HSPA12A: variants seen among roughly 807,000 people sequenced by gnomAD.
The protein encoded by HSPA12A is heat shock protein family A (Hsp70) member 12A.
HSPA12A carries 28 observed loss-of-function variants against 69.2 expected under a neutral mutation model. The observed-to-expected ratio is 0.40, with a 90% CI of 0.30 to 0.55. The LOEUF (loss-of-function observed/expected upper bound fraction) is 0.55. Among genes scored for constraint, HSPA12A ranks in the 20% least tolerant of loss-of-function variants. The pLI, the probability that HSPA12A is intolerant of heterozygous loss-of-function variation, is 0.38. For synonymous variants in HSPA12A, 345 were observed against 370.5 expected, an observed-to-expected ratio of 0.93 and a Z score of 0.79; for missense variants, 686 against 900.7, an observed-to-expected ratio of 0.76 and a Z score of 3.05.
intron 2 of HSPA12A, among the ~76,000 whole-genome samples, chr10:116,805,486 C>G (rs549123187): frequency 5.1e-4 from 78 of 152,144 alleles, no homozygotes; most frequent in Non-Finnish European, 8.7e-4. Flanking sequence ...TTCACACACA[C>G]CTGAGGACAC....
At chr10:116,836,644 T>C (rs1845715423) in intron 1 of HSPA12A, among the ~76,000 whole-genome samples, 1 of 152,192 alleles carries the variant, frequency 6.6e-6, no homozygotes, top group Non-Finnish European at 1.5e-5. Flanking sequence ...TTTGCATACA[T>C]CCCCAAGTAT....
At chr10:116,707,333 C>A in intron 1 of HSPA12A, 48 bp from the exon 2 acceptor site, 1 of 1,444,498 alleles carries the variant, frequency 6.9e-7, no homozygotes, top group Non-Finnish European at 9.6e-7. Flanking sequence ...ATGGACTGAC[C>A]CAGGGGGAAG....
rs1346333598 is a variant in HSPA12A, at chr10:116,723,875, G to A, written c.41-16590C>T. Among the ~76,000 whole-genome samples, 1 of 152,168 alleles carries A rather than the reference G, an allele frequency of 6.6e-6. No homozygotes were observed. The highest frequency in any genetic ancestry group is 1.9e-4 in the East Asian group (1 of 5,190). ...AGGCCCATCTACCATCTTGCCCGAT[G>A]CCCACCTGAGGGCCCCTGACCATAC... On this transcript the variant is annotated intron_variant, in intron 1 of 11. Transcript: ENST00000369209. This position sits in a 1 kb window ranked among gnomAD's most constrained non-coding sequence, Gnocchi z 4.1.
rs560972469 is a variant in HSPA12A, at chr10:116,675,828, G to C, written c.1391-410C>G. Among the ~76,000 whole-genome samples, 2 of 152,140 alleles carry C rather than the reference G, an allele frequency of 1.3e-5. No individual in the cohort carries two copies. Among genetic ancestry groups the C allele is most frequent in the African/African-American group, 4.8e-5 (2 of 41,420 alleles). On this transcript the variant is annotated intron_variant, in intron 11 of 11. Coordinates refer to ENST00000369209, the MANE Select transcript of HSPA12A (RefSeq NM_025015.3). The surrounding 1 kb of genome is among the most constrained non-coding windows in gnomAD (Gnocchi z 5.2). ...TCCTAGAGAGTCTGATTTGGTAGGCGGGGGACAGGATACTGAAAGAGGTCC... is the reference window on the plus strand; with the variant it reads ...TCCTAGAGAGTCTGATTTGGTAGGCCGGGGACAGGATACTGAAAGAGGTCC...
chr10:116,779,956 C>T (rs1365562706), intron 2 of HSPA12A, among the ~76,000 whole-genome samples: 1 of 152,136 alleles, frequency 6.6e-6, no homozygotes, highest in African/African-American at 2.4e-5. Flanking sequence ...GGCTGGCCGG[C>T]CCTGAAGGAG....
At chr10:116,792,985 A>C (rs577522486) in intron 2 of HSPA12A, among the ~76,000 whole-genome samples, 120 of 152,330 alleles carry the variant, frequency 7.9e-4, no homozygotes, top group African/African-American at 2.6e-3. Context: ...CTGACTTTTT[A>C]TTGGCAGGAA....
intron 2 of HSPA12A, among the ~76,000 whole-genome samples, chr10:116,771,601 A>G (rs1554890498): frequency 6.6e-6 from 1 of 152,222 alleles, no homozygotes; most frequent in East Asian, 1.9e-4. Context: ...ATCCAAAAGG[A>G]TGGGACGGCA....
chr10:116,695,734 T>C lies in HSPA12A; in HGVS notation c.546+2901A>G, dbSNP rs373059044. Among the ~76,000 whole-genome samples, 222 of 151,674 alleles carry C rather than the reference T, an allele frequency of 1.5e-3. 1 individual carries two copies. Among genetic ancestry groups the C allele is most frequent in the African/African-American group, 5.3e-3 (220 of 41,342 alleles). The stretch of plus-strand genomic sequence containing the variant: ...GGGAGGCTGAGGCAGGAGAATGGCG[T>C]GAACCTGGGAGGCAGAGCTTGCAGT... On this transcript the variant is annotated intron_variant, in intron 5 of 11. Coordinates refer to ENST00000369209, the MANE Select transcript of HSPA12A (RefSeq NM_025015.3).
chr10:116,725,407 T>G (rs933836962), intron 1 of HSPA12A, among the ~76,000 whole-genome samples: 3 of 152,136 alleles, frequency 2.0e-5, no homozygotes, highest in African/African-American at 7.2e-5. Flanking sequence ...CCCAGTGTTG[T>G]TCAGTCGCCA....
intron 2 of HSPA12A, among the ~76,000 whole-genome samples, chr10:116,780,894 G>C (rs766716343): frequency 2.8e-4 from 43 of 152,162 alleles, no homozygotes; most frequent in Non-Finnish European, 5.1e-4. Flanking sequence ...TGAAAGTAAT[G>C]CTACATTTCA....
At chr10:116,777,989 G>T (rs912057824) in intron 2 of HSPA12A, among the ~76,000 whole-genome samples, 3 of 152,170 alleles carry the variant, frequency 2.0e-5, no homozygotes, top group Non-Finnish European at 4.4e-5. Flanking sequence ...ACCTCCCAAA[G>T]TGCTGGGATT....
rs138167700 is a variant in HSPA12A at position 116,781,274 on chromosome 10, T to A, written c.91+53661A>T. Among the ~76,000 whole-genome samples the A allele has an allele frequency of 2.2e-3, 339 of 151,610 alleles. 1 individual carries two copies. The highest frequency in any genetic ancestry group is 7.2e-3 in the African/African-American group (298 of 41,220). On this transcript the variant is annotated intron_variant, in intron 2 of 12. Coordinates refer to the HSPA12A transcript ENST00000635765. ...TTGCACTGCAGCCTGGGCAATAGAG[T>A]GAGACCCTGCCTCTTAAAAGAAAAC...
At chr10:116,720,887 C>T (rs1379019733) in intron 1 of HSPA12A, among the ~76,000 whole-genome samples, 1 of 152,210 alleles carries the variant, frequency 6.6e-6, no homozygotes. Context: ...GACAGGACCA[C>T]CCACTGCAGC....
At chr10:116,798,637 T>C (rs1844888405) in intron 2 of HSPA12A, among the ~76,000 whole-genome samples, 1 of 152,136 alleles carries the variant, frequency 6.6e-6, no homozygotes, top group Non-Finnish European at 1.5e-5. Context: ...GACCCACCTC[T>C]GCAAAACCAC....
chr10:116,788,672 C>A (rs1589706976), intron 2 of HSPA12A, among the ~76,000 whole-genome samples: 1 of 141,022 alleles, frequency 7.1e-6, no homozygotes, highest in Admixed American at 7.2e-5. Flanking sequence ...TGATTTTTTT[C>A]TCTTAATTAT....
Position 116,675,770 on chromosome 10 carries a change from A to AATT in HSPA12A, c.1391-355_1391-353dup, listed in dbSNP as rs1849220269. Reference sequence around the variant, plus strand: ...AGTCAAGGCAGGTTGTTATAAATAGAATTCTCTGATTTTCATAAAAATCCC... The same window carrying AATT: ...AGTCAAGGCAGGTTGTTATAAATAGAATTATTCTCTGATTTTCATAAAAATCCC... On this transcript the variant is annotated intron_variant, in intron 11 of 11. Transcript: ENST00000369209. This position sits in a 1 kb window ranked among gnomAD's most constrained non-coding sequence, Gnocchi z 5.2. Among the ~76,000 whole-genome samples the AATT allele has an allele frequency of 6.6e-6, 1 of 152,172 alleles. No homozygotes were observed. The highest frequency in any genetic ancestry group is 2.1e-4 in the South Asian group (1 of 4,822).
At chr10:116,799,778 C>T (rs1259762984) in intron 2 of HSPA12A, among the ~76,000 whole-genome samples, 1 of 152,230 alleles carries the variant, frequency 6.6e-6, no homozygotes. Context: ...AAGTGCTTCA[C>T]ACCAGGTAGG....
rs1554879534 is a variant in HSPA12A, at chr10:116,686,448, T to C, written c.664-2486A>G. On this transcript the variant is annotated intron_variant, in intron 6 of 11. Coordinates refer to ENST00000369209, the MANE Select transcript of HSPA12A (RefSeq NM_025015.3). This position sits in a 1 kb window ranked among gnomAD's most constrained non-coding sequence, Gnocchi z 4.1. Reference sequence around the variant, plus strand: ...TGCTGCAAAGAAACTGCCAGGCCTGTATGTATACAATTCTCCTCCAAAGTT... The same window carrying C: ...TGCTGCAAAGAAACTGCCAGGCCTGCATGTATACAATTCTCCTCCAAAGTT... Among the ~76,000 whole-genome samples the C allele has an allele frequency of 6.6e-6, 1 of 152,166 alleles. No homozygotes were observed.
intron 4 of HSPA12A, among the ~76,000 whole-genome samples, chr10:116,699,881 G>C (rs1010775609): frequency 6.6e-6 from 1 of 152,232 alleles, no homozygotes; most frequent in South Asian, 2.1e-4. Context: ...ACGCCGATGG[G>C]CACAGAGCCT....
Sources: allele counts gnomAD v4.1 joint callset (sites outside exome capture counted in the v4.1 genomes callset), GRCh38; gene constraint gnomAD v4.1.1; non-coding constraint Gnocchi (gnomAD v3.1); transcripts MANE v1.5; gene names NCBI Gene and HGNC (gene_info 2026-07-23, HGNC 2026-07-21).